FOXJ3: variants seen among roughly 807,000 people sequenced by gnomAD.
FOXJ3 encodes forkhead box J3, also known as forkhead box protein J3.
In FOXJ3, 22 loss-of-function variants were observed where a neutral mutation model predicts 76.1. The observed-to-expected ratio is 0.29, with a 90% CI of 0.21 to 0.41. The LOEUF is 0.41. Among genes scored for constraint, FOXJ3 ranks in the 10% least tolerant of loss-of-function variants. The probability of loss-of-function intolerance (pLI) is 1.00; values close to 1 mark genes in which losing one functional copy is unlikely to be tolerated. For synonymous variants in FOXJ3, 269 were observed against 261.2 expected (o/e 1.03, Z -0.29); for missense variants, 613 against 762.1 (o/e 0.80, Z 2.30).
At chr1:42,233,986 T>C (rs994490598) in intron 4 of FOXJ3, among the ~76,000 whole-genome samples, 3 of 152,222 alleles carry the variant, frequency 2.0e-5, no homozygotes, top group Non-Finnish European at 4.4e-5. Flanking sequence ...CCTAATTTAT[T>C]GAGAGTTTTT....
intron 1 of FOXJ3, among the ~76,000 whole-genome samples, chr1:42,331,659 G>A (rs547718228): frequency 1.3e-5 from 2 of 152,104 alleles, no homozygotes; most frequent in East Asian, 3.9e-4. Flanking sequence ...TGGAGGTGAG[G>A]GTACGGGGAG....
intron 2 of FOXJ3, among the ~76,000 whole-genome samples, chr1:42,291,548 T>G (rs1304422720): frequency 6.6e-6 from 1 of 152,098 alleles, no homozygotes; most frequent in Non-Finnish European, 1.5e-5. Flanking sequence ...ACATCTGTAA[T>G]CCCAGCATTT....
At chr1:42,327,312 G>A (rs1453737331) in intron 1 of FOXJ3, among the ~76,000 whole-genome samples, 6 of 152,104 alleles carry the variant, frequency 3.9e-5, no homozygotes, top group African/African-American at 9.7e-5. Flanking sequence ...AGAAAGAGAC[G>A]CCATGTATCA....
intron 2 of FOXJ3, among the ~76,000 whole-genome samples, chr1:42,281,203 AAAAT>A (rs915630550): frequency 7.9e-5 from 12 of 151,670 alleles, no homozygotes; most frequent in African/African-American, 2.9e-4. Context: ...GTTACAGTAA[AAAAT>A]AAAATAAAAT....
chr1:42,321,629 T>C (rs1335068793), intron 1 of FOXJ3, among the ~76,000 whole-genome samples: 4 of 152,154 alleles, frequency 2.6e-5, no homozygotes, highest in Non-Finnish European at 4.4e-5. Flanking sequence ...TGACTTTTGC[T>C]CTCCAGATGT....
intron 2 of FOXJ3, among the ~76,000 whole-genome samples, chr1:42,302,626 C>A (rs935241976): frequency 1.1e-4 from 17 of 152,336 alleles, no homozygotes; most frequent in African/African-American, 3.8e-4. Context: ...ACAGCCTAAA[C>A]CCTAATCTAG....
At chr1:42,321,946 G>A (rs1452242575) in intron 1 of FOXJ3, among the ~76,000 whole-genome samples, 1 of 152,034 alleles carries the variant, frequency 6.6e-6, no homozygotes, top group African/African-American at 2.4e-5. Flanking sequence ...ATTTCATGTT[G>A]TTTCTGTAAA....
At chr1:42,308,619 T>C (rs1461888691) in intron 2 of FOXJ3, among the ~76,000 whole-genome samples, 1 of 152,326 alleles carries the variant, frequency 6.6e-6, no homozygotes, top group Admixed American at 6.5e-5. Context: ...AATTAAATGC[T>C]AGATACCATG....
At chr1:42,197,513 C>T (rs1265921696) in intron 7 of FOXJ3, among the ~76,000 whole-genome samples, 1 of 151,984 alleles carries the variant, frequency 6.6e-6, no homozygotes, top group African/African-American at 2.4e-5. Flanking sequence ...TACAGGAACC[C>T]CAACCCACTA....
intron 4 of FOXJ3, among the ~76,000 whole-genome samples, chr1:42,238,208 T>C (rs1317331956): frequency 6.6e-6 from 1 of 151,872 alleles, no homozygotes; most frequent in African/African-American, 2.4e-5. Context: ...AATTTTTCTA[T>C]ATTTTTAGTA....
intron 2 of FOXJ3, among the ~76,000 whole-genome samples, chr1:42,301,372 TG>T (rs1261284648): frequency 1.3e-5 from 2 of 152,160 alleles, no homozygotes; most frequent in Non-Finnish European, 2.9e-5. Flanking sequence ...ATTTTTTTTT[TG>T]TATTTTTAGT....
At chr1:42,268,396 T>A (rs1438031212) in intron 3 of FOXJ3, among the ~76,000 whole-genome samples, 1 of 151,678 alleles carries the variant, frequency 6.6e-6, no homozygotes, top group East Asian at 1.9e-4. Flanking sequence ...GCTGAAAAAA[T>A]TCATTTCGGC....
At chr1:42,332,532 C>A (rs568912882) in intron 1 of FOXJ3, among the ~76,000 whole-genome samples, 1 of 152,156 alleles carries the variant, frequency 6.6e-6, no homozygotes, top group Admixed American at 6.5e-5. Flanking sequence ...CTAAAATTCT[C>A]CATAAGCACT....
intron 2 of FOXJ3, among the ~76,000 whole-genome samples, chr1:42,284,993 T>C (rs1005661562): frequency 3.3e-5 from 5 of 152,356 alleles, no homozygotes; most frequent in African/African-American, 1.2e-4. Flanking sequence ...AGATCTTTTG[T>C]TTAATGTGTT....
In FOXJ3 at chr1:42,300,011, G is replaced by A. The variant is rs1227154807; in HGVS notation, c.44+11039C>T. Among the ~76,000 whole-genome samples, 10 of 151,972 alleles carry A rather than the reference G, an allele frequency of 6.6e-5. No homozygotes were observed. In the South Asian group the frequency reaches 1.9e-3, roughly 28 times the overall value. On this transcript the variant is annotated intron_variant, in intron 2 of 12. Transcript: ENST00000361346. ...AGGTCAGGAGTTTGAGACCTGCCTGGCCAATATGGTGAAATTCTGTCTCTA... is the reference window on the plus strand; with the variant it reads ...AGGTCAGGAGTTTGAGACCTGCCTGACCAATATGGTGAAATTCTGTCTCTA...
At chr1:42,187,158 T>C (rs1445854884) in intron 11 of FOXJ3, among the ~76,000 whole-genome samples, 5 of 151,546 alleles carry the variant, frequency 3.3e-5, no homozygotes, top group Non-Finnish European at 7.3e-5. Context: ...GAGACTGCCT[T>C]CTTCTAACAC....
chr1:42,242,666 T>C (rs989640610), intron 4 of FOXJ3, among the ~76,000 whole-genome samples: 1 of 151,758 alleles, frequency 6.6e-6, no homozygotes, highest in Non-Finnish European at 1.5e-5. Context: ...CACGGCAATC[T>C]ACCCGGCCCA....
In FOXJ3 at chr1:42,303,392, G is replaced by C. The variant is rs1263567815; in HGVS notation, c.44+7658C>G. ...AGTAAGAAGAGAGAGATGTGAACCTGTATCTACATTATCTTAAGTCTATAC... is the reference window on the plus strand; with the variant it reads ...AGTAAGAAGAGAGAGATGTGAACCTCTATCTACATTATCTTAAGTCTATAC... On this transcript the variant is annotated intron_variant, in intron 2 of 12. Coordinates refer to ENST00000361346, the MANE Select transcript of FOXJ3 (RefSeq NM_014947.5). Among the ~76,000 whole-genome samples, 4 of 152,174 alleles carry C rather than the reference G, an allele frequency of 2.6e-5. No individual in the cohort carries two copies. In the East Asian group the frequency reaches 5.8e-4, roughly 22 times the overall value.
At chr1:42,251,210 A>T (rs1161418713) in intron 4 of FOXJ3, among the ~76,000 whole-genome samples, 2 of 152,134 alleles carry the variant, frequency 1.3e-5, no homozygotes. Flanking sequence ...TTGGGGGTGC[A>T]ACACTCATTA....
Sources: allele counts gnomAD v4.1 joint callset (sites outside exome capture counted in the v4.1 genomes callset), GRCh38; gene constraint gnomAD v4.1.1; transcripts MANE v1.5; gene names NCBI Gene and HGNC (gene_info 2026-07-23, HGNC 2026-07-21).